Variants in RORA observed in about 807,000 individuals in gnomAD.
RORA encodes the protein nuclear receptor ROR-alpha.
In RORA, 7 loss-of-function variants were observed where a neutral mutation model predicts 69.5. The observed-to-expected ratio is 0.10, with a 90% CI of 0.06 to 0.19. RORA has a LOEUF of 0.19. Ranked by LOEUF, RORA falls within the 10% of genes least tolerant of loss-of-function variation. RORA has a pLI of 1.00. For missense variants in RORA, 457 were observed against 663.0 expected (o/e 0.69, Z 3.41); for synonymous variants, 261 against 240.8 (o/e 1.08, Z -0.78).
At chr15:60,991,120 A>G (rs1162535449) in intron 1 of RORA, among the ~76,000 whole-genome samples, 1 of 152,246 alleles carries the variant, frequency 6.6e-6, no homozygotes, top group East Asian at 1.9e-4. Context: ...GTCCCTGTTG[A>G]GAAGACACGG....
chr15:60,561,037 A>C (rs894168529), intron 2 of RORA, among the ~76,000 whole-genome samples: 6 of 148,256 alleles, frequency 4.0e-5, no homozygotes, highest in Non-Finnish European at 5.9e-5. Context: ...GTTTTTATAC[A>C]TGGGAAGTTT....
chr15:60,948,592 T>TA (rs1420488431), intron 1 of RORA, among the ~76,000 whole-genome samples: 1 of 152,232 alleles, frequency 6.6e-6, no homozygotes, highest in Non-Finnish European at 1.5e-5. Flanking sequence ...CTAACACTTA[T>TA]GACCCTACTG....
chr15:61,021,094 C>T (rs2097267605), intron 1 of RORA, among the ~76,000 whole-genome samples: 1 of 152,300 alleles, frequency 6.6e-6, no homozygotes, highest in Non-Finnish European at 1.5e-5. Context: ...GGGGAGATGA[C>T]AGTAGCAGCT....
At chr15:60,932,012 T>C (rs1016609902) in intron 1 of RORA, among the ~76,000 whole-genome samples, 1 of 151,026 alleles carries the variant, frequency 6.6e-6, no homozygotes, top group African/African-American at 2.4e-5. Flanking sequence ...AAGCAATATC[T>C]AGAAAAATAT....
intron 1 of RORA, among the ~76,000 whole-genome samples, chr15:60,975,545 A>G (rs1029767428): frequency 1.3e-5 from 2 of 152,142 alleles, no homozygotes; most frequent in Admixed American, 6.5e-5. Context: ...ACTGAAATGA[A>G]CATGTGGGGT....
chr15:60,827,341 G>A (rs1186448834), intron 1 of RORA, among the ~76,000 whole-genome samples: 1 of 152,316 alleles, frequency 6.6e-6, no homozygotes, highest in East Asian at 1.9e-4. Context: ...TGGAAATTGA[G>A]TCTTGAAAGA....
intron 2 of RORA, among the ~76,000 whole-genome samples, chr15:60,658,190 C>A (rs2070251829): frequency 6.6e-6 from 1 of 151,922 alleles, no homozygotes; most frequent in Non-Finnish European, 1.5e-5. Flanking sequence ...CAGTGATTCT[C>A]CTGCCTCAGC....
intron 2 of RORA, among the ~76,000 whole-genome samples, chr15:60,644,497 A>G (rs2070001599): frequency 1.3e-5 from 2 of 152,230 alleles, no homozygotes; most frequent in South Asian, 4.1e-4. Flanking sequence ...GGAATCTTTG[A>G]CATGGGATTT....
At chr15:60,890,967 T>G (rs1404401506) in intron 1 of RORA, among the ~76,000 whole-genome samples, 1 of 152,198 alleles carries the variant, frequency 6.6e-6, no homozygotes, top group Non-Finnish European at 1.5e-5. Context: ...AAGCTCCCTG[T>G]TCATGTCCAA....
intron 1 of RORA, among the ~76,000 whole-genome samples, chr15:60,893,154 G>A (rs566402434): frequency 1.4e-4 from 21 of 152,180 alleles, no homozygotes; most frequent in Non-Finnish European, 2.5e-4. Flanking sequence ...GCTTCACCAG[G>A]TTACCCAAGG....
rs11449228 is a variant in RORA at position 61,199,262 on chromosome 15, GA to G, written c.166+29790del. ...TGCCAATAGGGGCAGGAAAGAAAGG[GA>G]AAAAAAAATGAGAAAAAAATAAAGC... On this transcript the variant is annotated intron_variant, in intron 1 of 10. Transcript: ENST00000335670. Among the ~76,000 whole-genome samples the G allele has an allele frequency of 3.7e-3, 551 of 150,260 alleles. 2 individuals carry two copies. The highest frequency in any genetic ancestry group is 0.012 in the African/African-American group (508 of 41,004).
intron 1 of RORA, among the ~76,000 whole-genome samples, chr15:61,041,739 T>C (rs1284251582): frequency 1.3e-5 from 2 of 152,152 alleles, no homozygotes; most frequent in African/African-American, 2.4e-5. Context: ...GTTCATTTTA[T>C]AGATGAGGGA....
intron 1 of RORA, among the ~76,000 whole-genome samples, chr15:60,716,543 C>T (rs2071221209): frequency 6.6e-6 from 1 of 152,090 alleles, no homozygotes; most frequent in African/African-American, 2.4e-5. Flanking sequence ...GGTTTTCATC[C>T]ACAGTCCCTG....
chr15:60,620,423 T>C (rs1161964924), intron 2 of RORA, among the ~76,000 whole-genome samples: 1 of 152,194 alleles, frequency 6.6e-6, no homozygotes, highest in Non-Finnish European at 1.5e-5. Context: ...TGAGTTCTTA[T>C]GTGTTAAGTG....
At chr15:61,101,251 T>C (rs535409490) in intron 1 of RORA, among the ~76,000 whole-genome samples, 1 of 152,218 alleles carries the variant, frequency 6.6e-6, no homozygotes, top group South Asian at 2.1e-4. Context: ...GGACGGTTAA[T>C]AGAGAAGACA....
intron 1 of RORA, among the ~76,000 whole-genome samples, chr15:60,697,849 A>G (rs919218906): frequency 6.6e-6 from 1 of 152,176 alleles, no homozygotes; most frequent in East Asian, 1.9e-4. Flanking sequence ...ATGGTATCTC[A>G]TTCACGGCTC....
At chr15:61,080,778 G>A (rs981470344) in intron 1 of RORA, among the ~76,000 whole-genome samples, 2 of 152,198 alleles carry the variant, frequency 1.3e-5, no homozygotes, top group Non-Finnish European at 2.9e-5. Flanking sequence ...CAGTTCAGAT[G>A]TTTATACCAA....
At chr15:61,224,278 T>A (rs2080125946) in intron 1 of RORA, among the ~76,000 whole-genome samples, 1 of 152,244 alleles carries the variant, frequency 6.6e-6, no homozygotes, top group African/African-American at 2.4e-5. Context: ...TGGGAGACAA[T>A]GAATGTGAAC....
In RORA at chr15:61,137,156, G is replaced by A. The variant is rs543563987; in HGVS notation, c.166+91897C>T. The stretch of plus-strand genomic sequence containing the variant: ...TCTCTCTCCAGACCAAAATAAACAT[G>A]ACCAACATGTAAATGAAAAATAAGA... On this transcript the variant is annotated intron_variant, in intron 1 of 10. Coordinates refer to ENST00000335670, the MANE Select transcript of RORA (RefSeq NM_134261.3). Among the ~76,000 whole-genome samples the A allele has an allele frequency of 5.9e-5, 9 of 152,106 alleles. No individual in the cohort carries two copies. The East Asian group carries it at 1.7e-3, about 29-fold the overall frequency.
Sources: gnomAD v4.1 joint callset for allele counts (sites outside exome capture counted in the v4.1 genomes callset) on GRCh38, gnomAD v4.1.1 for gene constraint, MANE v1.5 for transcripts, NCBI Gene and HGNC (gene_info 2026-07-23, HGNC 2026-07-21) for gene names.